Variants in CREB5 observed in about 807,000 individuals in gnomAD.
CREB5 encodes the protein cyclic AMP-responsive element-binding protein 5.
CREB5 carries 19 observed loss-of-function variants against 57.1 expected under a neutral mutation model. The ratio of observed to expected loss-of-function variants is 0.33; its 90% CI spans 0.23 to 0.49. The LOEUF is 0.49. Among genes scored for constraint, CREB5 ranks in the 20% least tolerant of loss-of-function variants. The pLI, the probability that CREB5 is intolerant of heterozygous loss-of-function variation, is 0.99. For missense variants in CREB5, 579 were observed against 671.6 expected (o/e 0.86, Z 1.52); for synonymous variants, 238 against 238.3 (o/e 1.00, Z 0.01).
chr7:28,793,653 C>T (rs762947375), intron 7 of CREB5, among the ~76,000 whole-genome samples: 7 of 152,188 alleles, frequency 4.6e-5, no homozygotes, highest in South Asian at 2.1e-4. Flanking sequence ...CGAGCACAGC[C>T]GCCCTCCCAA....
At chr7:28,819,086 T>C in intron 10 of CREB5, 30 bp from the exon 11 acceptor site, 1 of 1,603,978 alleles carries the variant, frequency 6.2e-7, no homozygotes, top group Admixed American at 1.7e-5. Flanking sequence ...TGTGTGTATG[T>C]GTGTGTGTTG....
chr7:28,308,661 C>T (rs940086956), intron 1 of CREB5, among the ~76,000 whole-genome samples: 3 of 152,096 alleles, frequency 2.0e-5, no homozygotes, highest in Non-Finnish European at 4.4e-5. Context: ...TTATGCCAGT[C>T]CCCCGGCACA....
chr7:28,494,974 A>ATT lies in CREB5; in HGVS notation c.144_145insTT (p.Ile49LeufsTer2), dbSNP rs1388740014. 6.2e-7 allele frequency: 1 copy of ATT among 1,609,338 alleles called. No individual in the cohort carries two copies. Among genetic ancestry groups the ATT allele is most frequent in the Admixed American group, 1.7e-5 (1 of 58,352 alleles). ...ATGAAATGACTTTGAAGTTTCCTTC[A>ATT]ATAAAAACAGACAATATGTTATCAG... On this transcript the variant is annotated frameshift_variant, in exon 3 of 11. Coordinates refer to ENST00000357727, the MANE Select transcript of CREB5 (RefSeq NM_182898.4). LOFTEE classifies it high-confidence loss of function.
At chr7:28,369,965 C>T (rs999244431) in intron 1 of CREB5, among the ~76,000 whole-genome samples, 5 of 152,142 alleles carry the variant, frequency 3.3e-5, no homozygotes, top group South Asian at 2.1e-4. Flanking sequence ...CCTCTTGTTC[C>T]ACTAGAAAAC....
In CREB5 at chr7:28,823,093, T is replaced by G. The variant is rs898033677; in HGVS notation, c.*3814T>G. On this transcript the variant is annotated 3_prime_UTR_variant, in exon 11 of 11. Coordinates refer to ENST00000357727, the MANE Select transcript of CREB5 (RefSeq NM_182898.4). The stretch of plus-strand genomic sequence containing the variant: ...TGCCTGTTAAGTAAACTTTAGTGTG[T>G]AAGTTGAGTTTGTCATTAAAATCAT... 2.6e-5 allele frequency: 4 copies of G among 152,588 alleles called. No individual in the cohort carries two copies. Among genetic ancestry groups the G allele is most frequent in the African/African-American group, 9.7e-5 (4 of 41,414 alleles). 9.5% of individuals were successfully genotyped at this position (152,588 alleles called of 1,614,324 possible). A position where few individuals can be genotyped will look rare whatever the true frequency, so the allele number is the denominator to read the frequency against.
intron 5 of CREB5, among the ~76,000 whole-genome samples, chr7:28,645,576 A>G (rs891888649): frequency 6.6e-6 from 1 of 152,220 alleles, no homozygotes; most frequent in African/African-American, 2.4e-5. Flanking sequence ...ATTTAATCAT[A>G]TGTTATGATT....
chr7:28,815,026 T>A (rs1049221702), intron 9 of CREB5, among the ~76,000 whole-genome samples: 2 of 152,200 alleles, frequency 1.3e-5, no homozygotes, highest in African/African-American at 4.8e-5. Flanking sequence ...ATCCCAGCAC[T>A]TGGGGAGGCT....
rs1786727944 is a variant in CREB5 at position 28,372,452 on chromosome 7, A to G, written c.-25+73011A>G. Reference sequence around the variant, plus strand: ...TTCCTTGTGTGTTAGCCTGGTAAAAAGCAAAATAAAGCTCAGCAATATATT... The same window carrying G: ...TTCCTTGTGTGTTAGCCTGGTAAAAGGCAAAATAAAGCTCAGCAATATATT... On this transcript the variant is annotated intron_variant, in intron 1 of 9. Coordinates refer to the CREB5 transcript ENST00000396299. Among the ~76,000 whole-genome samples, 3 of 152,238 alleles carry G rather than the reference A, an allele frequency of 2.0e-5. No individual in the cohort carries two copies. The South Asian group carries it at 6.2e-4, about 32-fold the overall frequency.
intron 5 of CREB5, among the ~76,000 whole-genome samples, chr7:28,640,801 C>A (rs1562543223): frequency 6.6e-6 from 1 of 152,148 alleles, no homozygotes; most frequent in South Asian, 2.1e-4. Context: ...AGATCGAGAC[C>A]CGCTTCCCTA....
intron 7 of CREB5, among the ~76,000 whole-genome samples, chr7:28,734,173 T>TC (rs1266291773): frequency 1.7e-5 from 2 of 115,036 alleles, no homozygotes; most frequent in Non-Finnish European, 3.3e-5. Context: ...AGTACTGAAA[T>TC]CCCCTTGCTG....
chr7:28,633,697 G>C (rs577420950), intron 5 of CREB5, among the ~76,000 whole-genome samples: 4 of 152,122 alleles, frequency 2.6e-5, no homozygotes, highest in Non-Finnish European at 5.9e-5. Context: ...TGACAGTAGT[G>C]GGGGTGGGGT....
chr7:28,319,838 G>T (rs1396255311), intron 1 of CREB5, among the ~76,000 whole-genome samples: 1 of 151,968 alleles, frequency 6.6e-6, no homozygotes, highest in African/African-American at 2.4e-5. Flanking sequence ...AGGTGGCTAG[G>T]CTTTTTCATA....
intron 3 of CREB5, among the ~76,000 whole-genome samples, chr7:28,503,562 G>A (rs1792355357): frequency 6.6e-6 from 1 of 151,972 alleles, no homozygotes; most frequent in Admixed American, 6.5e-5. Flanking sequence ...TTCATAGAGA[G>A]GTAAAGAGAA....
At chr7:28,493,174 C>T (rs1203713247) in intron 2 of CREB5, among the ~76,000 whole-genome samples, 3 of 152,118 alleles carry the variant, frequency 2.0e-5, no homozygotes, top group Non-Finnish European at 4.4e-5. Flanking sequence ...CCCTAGTAAA[C>T]AAAGGTAATT....
chr7:28,653,170 C>G (rs1053090694), intron 5 of CREB5, among the ~76,000 whole-genome samples: 1 of 152,160 alleles, frequency 6.6e-6, no homozygotes, highest in African/African-American at 2.4e-5. Context: ...ATGTGAGACA[C>G]CAACTCTTAT....
intron 5 of CREB5, among the ~76,000 whole-genome samples, chr7:28,708,114 A>C (rs1802213873): frequency 6.6e-6 from 1 of 152,152 alleles, no homozygotes; most frequent in Admixed American, 6.5e-5. Context: ...TAGAGCCTGA[A>C]GCTCTCTGTT....
At chr7:28,518,836 T>C (rs1218526675) in intron 4 of CREB5, among the ~76,000 whole-genome samples, 1 of 152,180 alleles carries the variant, frequency 6.6e-6, no homozygotes, top group Admixed American at 6.5e-5. Context: ...TGGTCTGAAC[T>C]CAGGACGAGG....
At chr7:28,476,203 T>A (rs1252204703) in intron 1 of CREB5, among the ~76,000 whole-genome samples, 1 of 152,138 alleles carries the variant, frequency 6.6e-6, no homozygotes, top group Non-Finnish European at 1.5e-5. Flanking sequence ...AGCCTTCAAG[T>A]AAAAAGTTGG....
intron 5 of CREB5, among the ~76,000 whole-genome samples, chr7:28,682,004 C>T (rs975496126): frequency 3.6e-4 from 55 of 152,186 alleles, no homozygotes; most frequent in African/African-American, 1.3e-3. Context: ...CCAAAGGTTT[C>T]CTGATGCCTC....
Sources: allele counts gnomAD v4.1 joint callset (sites outside exome capture counted in the v4.1 genomes callset), GRCh38; gene constraint gnomAD v4.1.1; transcripts MANE v1.5; gene names NCBI Gene and HGNC (gene_info 2026-07-23, HGNC 2026-07-21).